Variants in BDP1 observed in about 807,000 individuals in gnomAD.
The protein encoded by BDP1 is BDP1 general transcription factor IIIB subunit, also known as transcription factor TFIIIB component B'' homolog.
In BDP1, 169 loss-of-function variants were observed where a neutral mutation model predicts 266.6. The ratio of observed to expected loss-of-function variants is 0.63; its 90% confidence interval spans 0.56 to 0.72. BDP1 has a LOEUF of 0.72. Among genes scored for constraint, BDP1 ranks in the 30% least tolerant of loss-of-function variants. The pLI, the probability that BDP1 is intolerant of heterozygous loss-of-function variation, is 0.00. For synonymous variants in BDP1, 1,090 were observed against 1,022.4 expected, an observed-to-expected ratio of 1.07 and a Z score of -1.26; for missense variants, 3,015 against 3,053.8, an observed-to-expected ratio of 0.99 and a Z score of 0.30.
At chr5:71,488,778 G>A (rs1184005734) in intron 9 of BDP1, among the ~76,000 whole-genome samples, 2 of 150,810 alleles carry the variant, frequency 1.3e-5, no homozygotes, top group African/African-American at 4.9e-5. Context: ...TGCGATCTTG[G>A]CTCACTGCAA....
chr5:71,534,637 C>G (rs531412340), intron 26 of BDP1, among the ~76,000 whole-genome samples: 1 of 152,020 alleles, frequency 6.6e-6, no homozygotes, highest in African/African-American at 2.4e-5. Context: ...GTAGCTGGGA[C>G]TACAGGCGCC....
chr5:71,469,242 G>T (rs927426129), intron 6 of BDP1, among the ~76,000 whole-genome samples: 1 of 151,670 alleles, frequency 6.6e-6, no homozygotes, highest in African/African-American at 2.4e-5. Context: ...AGGTTCAGGT[G>T]ATTCTCCTTC....
At chr5:71,500,197 CTTATG>C (rs1764140217) in intron 13 of BDP1, among the ~76,000 whole-genome samples, 2 of 150,844 alleles carry the variant, frequency 1.3e-5, no homozygotes, top group East Asian at 3.9e-4. Context: ...TTATTCTAAT[CTTATG>C]TTTATTGAAT....
rs1744044110 is a variant in BDP1 at position 71,566,551 on chromosome 5, AG to A, written c.*1668del. The stretch of plus-strand genomic sequence containing the variant: ...TCTTGGATTGATAGTATAGTAGCTC[AG>A]GCATTGGAAACTTTCTGCAAACTGT... On this transcript the variant is annotated 3_prime_UTR_variant, in exon 39 of 39. Transcript: ENST00000358731. The A allele has an allele frequency of 6.6e-6, 1 of 152,174 alleles. No homozygotes were observed. The highest frequency in any genetic ancestry group is 2.1e-4 in the South Asian group (1 of 4,824). 9.4% of individuals were successfully genotyped at this position (152,174 alleles called of 1,614,324 possible).
intron 4 of BDP1, among the ~76,000 whole-genome samples, chr5:71,465,611 G>A (rs547455645): frequency 4.6e-5 from 7 of 152,298 alleles, no homozygotes; most frequent in African/African-American, 1.7e-4. Flanking sequence ...GGCCAGGCAC[G>A]GTGGCTCACG....
chr5:71,556,898 G>A lies in BDP1; in HGVS notation c.7213G>A (p.Glu2405Lys), dbSNP rs756222686. 1.4e-6 allele frequency: 2 copies of A among 1,452,160 alleles called. No homozygotes were observed. The highest frequency in any genetic ancestry group is 2.9e-5 in the South Asian group (2 of 68,564). The allele number at this position is 1,452,160 out of a possible 1,614,324, so 90.0% of individuals were successfully genotyped here. Residue 2405 changes from glutamate (E) to lysine (K), a missense_variant, in exon 36 of 39, where the codon GAA becomes AAA. Physicochemically the swap from Glu to Lys is moderately conservative, Grantham distance 56. Around this residue, in one of 3 missense-constraint regions of BDP1, gnomAD observed 629 missense variants for 632.5 expected, o/e 0.99. Transcript: ENST00000358731. ...TTTCTTAAAATAGGTGCACTCAAAG[G>A]AATTAACAAATGTTTTTGAGGAAAC... ...QEYTTEVHSK[E>K]LTNVFEETGE...
intron 1 of BDP1, 135 bp from the exon 2 acceptor site, chr5:71,458,444 A>G: frequency 1.5e-6 from 1 of 688,558 alleles, no homozygotes. Flanking sequence ...CATAATTATC[A>G]TAAATCTCAA....
rs375231015 is a variant in BDP1, at chr5:71,560,205, C to T, written c.7464C>T (p.Ser2488=). 1.9e-6 allele frequency: 3 copies of T among 1,613,974 alleles called. No individual in the cohort carries two copies. Among genetic ancestry groups the T allele is most frequent in the Non-Finnish European group, 2.5e-6 (3 of 1,179,992 alleles). Residue 2488 remains serine (S), a synonymous_variant, in exon 37 of 39, where the codon AGC becomes AGT. Transcript: ENST00000358731. ...CTCCTAAGTCTCAGCAAATGGATAGCAGAACATCGTCTTCTAAAGCCTCAC... is the reference window on the plus strand; with the variant it reads ...CTCCTAAGTCTCAGCAAATGGATAGTAGAACATCGTCTTCTAAAGCCTCAC... ...DAAPKSQQMD[S]RTSSSKASLS...
intron 7 of BDP1, among the ~76,000 whole-genome samples, chr5:71,471,091 AATGAAAAG>A (rs1051620809): frequency 6.6e-6 from 1 of 151,818 alleles, no homozygotes; most frequent in African/African-American, 2.4e-5. Context: ...AGAGTTACAT[AATGAAAAG>A]AGAAGATAAA....
chr5:71,515,223 A>G (rs935788382), intron 20 of BDP1, 101 bp downstream of exon 20: 13 of 913,384 alleles, frequency 1.4e-5, no homozygotes, highest in Admixed American at 9.8e-5. Flanking sequence ...AAAAGTGAAC[A>G]TAAAGAATAT....
intron 7 of BDP1, among the ~76,000 whole-genome samples, chr5:71,479,347 T>C (rs1052019960): frequency 6.6e-6 from 1 of 151,938 alleles, no homozygotes; most frequent in Non-Finnish European, 1.5e-5. Flanking sequence ...GGCCTCCTCC[T>C]GGTTATTTTT....
Position 71,511,189 on chromosome 5 carries a change from CT to C in BDP1, c.4059+44del, listed in dbSNP as rs70992972. On this transcript the variant is annotated intron_variant, in intron 17 of 38. Coordinates refer to ENST00000358731, the MANE Select transcript of BDP1 (RefSeq NM_018429.3). ...CTGTCCTTTAAAAGTTTTTTGAATG[CT>C]TTTTTCAGAGGAAATAAATAATTCC... 513,656 of 1,539,624 alleles carry C rather than the reference CT, an allele frequency of 0.33. 90,810 individuals carry two copies. Among genetic ancestry groups the C allele is most frequent in the Admixed American group, 0.55 (26,454 of 48,464 alleles).
rs750956446 is a variant in BDP1 at position 71,455,996 on chromosome 5, C to T, written c.119C>T (p.Ala40Val). 22 of 1,613,478 alleles carry T rather than the reference C, an allele frequency of 1.4e-5. No individual in the cohort carries two copies. Among genetic ancestry groups the T allele is most frequent in the East Asian group, 1.1e-4 (5 of 44,892 alleles). ...GAGTCTCCCAGGCCGCCGGATCCTG[C>T]CACGGACTCTGCTTCCAAGCCCGCG... is the stretch of plus-strand genomic sequence containing the variant. Reference protein sequence around the residue: ...GRESPRPPDPATDSASKPAEP... With the variant: ...GRESPRPPDPVTDSASKPAEP... The change falls in exon 1 of 39, where the codon GCC becomes GTC. Residue 40 changes from alanine (A) to valine (V), a missense_variant. Ala to Val is a moderately conservative substitution (Grantham distance 64). Coordinates refer to ENST00000358731, the MANE Select transcript of BDP1 (RefSeq NM_018429.3).
intron 4 of BDP1, among the ~76,000 whole-genome samples, chr5:71,465,323 A>G (rs904467844): frequency 3.3e-5 from 5 of 152,126 alleles, no homozygotes; most frequent in African/African-American, 1.2e-4. Flanking sequence ...ACTGTCACCT[A>G]GGCTGGGGTG....
intron 30 of BDP1, among the ~76,000 whole-genome samples, chr5:71,543,738 T>C (rs955532391): frequency 6.6e-6 from 1 of 152,198 alleles, no homozygotes; most frequent in East Asian, 1.9e-4. Flanking sequence ...CAACCTGTAA[T>C]ACATATCAAG....
In BDP1 at chr5:71,513,369, G is replaced by A. The variant is rs1221388584; in HGVS notation, c.4432G>A (p.Glu1478Lys). The A allele has an allele frequency of 6.3e-7, 1 of 1,592,664 alleles. No homozygotes were observed. Among genetic ancestry groups the A allele is most frequent in the Non-Finnish European group, 8.5e-7 (1 of 1,170,668 alleles). ...GAAAATGGAGACTATTGTGATGCAA[G>A]AAAATAATGAACAAACTGATACTCT... The part of the protein sequence containing the change: ...TKKMETIVMQ[E>K]NNEQTDTLPS... The change falls in exon 19 of 39, where the codon GAA becomes AAA. Residue 1478 changes from glutamate to lysine, a missense_variant. This residue lies in a region of BDP1 where 2,383 missense variants were observed against 2,404.9 expected (regional missense o/e 0.99). Transcript: ENST00000358731.
intron 25 of BDP1, among the ~76,000 whole-genome samples, chr5:71,529,054 A>G (rs1766074307): frequency 6.6e-6 from 1 of 152,180 alleles, no homozygotes; most frequent in Admixed American, 6.5e-5. Context: ...TGGCCAGCCT[A>G]CTAAACAGGG....
intron 26 of BDP1, among the ~76,000 whole-genome samples, chr5:71,536,517 G>A (rs1054253686): frequency 1.3e-5 from 2 of 152,262 alleles, no homozygotes; most frequent in African/African-American, 4.8e-5. Flanking sequence ...TCAAGGAGTG[G>A]TTTTCTTTAG....
Position 71,561,620 on chromosome 5 carries a change from T to C in BDP1, c.7497-654T>C, listed in dbSNP as rs544730758. On this transcript the variant is annotated intron_variant, in intron 37 of 38. Coordinates refer to ENST00000358731, the MANE Select transcript of BDP1 (RefSeq NM_018429.3). Reference sequence around the variant, plus strand: ...ATGTAAACAGATGAACATAGCTGTGTTCCAGTAAAACATACTCACAGAATT... The same window carrying C: ...ATGTAAACAGATGAACATAGCTGTGCTCCAGTAAAACATACTCACAGAATT... Among the ~76,000 whole-genome samples the C allele has an allele frequency of 2.0e-5, 3 of 152,292 alleles. No homozygotes were observed. The South Asian group carries it at 6.2e-4, about 32-fold the overall frequency.
Sources: allele counts gnomAD v4.1 joint callset (sites outside exome capture counted in the v4.1 genomes callset), GRCh38; gene constraint gnomAD v4.1.1; regional missense constraint gnomAD v4.1.1; transcripts MANE v1.5; gene names NCBI Gene and HGNC (gene_info 2026-07-23, HGNC 2026-07-21).